Variants in PCSK2 observed in about 807,000 individuals in gnomAD.
PCSK2 encodes the protein proprotein convertase subtilisin/kexin type 2.
A neutral mutation model predicts 69.7 loss-of-function variants in PCSK2; 14 were observed. That is an observed-to-expected ratio of 0.20 (90% CI 0.13 to 0.31). The LOEUF (loss-of-function observed/expected upper bound fraction) is 0.31. PCSK2 is among the 10% of genes least tolerant of loss of function. The pLI is 1.00. For synonymous variants in PCSK2, 307 were observed against 320.7 expected, an observed-to-expected ratio of 0.96 and a Z score of 0.46; for missense variants, 544 against 842.5, an observed-to-expected ratio of 0.65 and a Z score of 4.39.
intron 5 of PCSK2, among the ~76,000 whole-genome samples, chr20:17,389,815 G>A (rs2031329095): frequency 6.6e-6 from 1 of 152,168 alleles, no homozygotes; most frequent in African/African-American, 2.4e-5. Flanking sequence ...TACACTGCTA[G>A]TGCAAATGTC....
chr20:17,261,021 A>G (rs1299209215), intron 2 of PCSK2, among the ~76,000 whole-genome samples: 1 of 151,972 alleles, frequency 6.6e-6, no homozygotes, highest in East Asian at 1.9e-4. Context: ...ACTTTCCCCC[A>G]ATCAAACATA....
At chr20:17,262,410 T>C (rs1480388421) in intron 2 of PCSK2, among the ~76,000 whole-genome samples, 1 of 151,798 alleles carries the variant, frequency 6.6e-6, no homozygotes, top group Non-Finnish European at 1.5e-5. Context: ...TTGTCAATAA[T>C]AAACTCATTC....
At chr20:17,402,781 G>A (rs745703919) in intron 5 of PCSK2, among the ~76,000 whole-genome samples, 13 of 151,604 alleles carry the variant, frequency 8.6e-5, no homozygotes, top group Admixed American at 2.0e-4. Context: ...AGTGAACCCC[G>A]TCTCTACTAA....
intron 2 of PCSK2, among the ~76,000 whole-genome samples, chr20:17,353,616 A>T (rs1342211241): frequency 6.6e-6 from 1 of 152,242 alleles, no homozygotes; most frequent in Admixed American, 6.5e-5. Flanking sequence ...CAAAATTATC[A>T]TTCAATCCAG....
chr20:17,317,772 G>A (rs942451490), intron 2 of PCSK2, among the ~76,000 whole-genome samples: 1 of 152,104 alleles, frequency 6.6e-6, no homozygotes, highest in Non-Finnish European at 1.5e-5. Context: ...AGAGACATGG[G>A]AAGAGTTTCT....
chr20:17,333,576 TC>T (rs145788752), intron 2 of PCSK2, among the ~76,000 whole-genome samples: 12,437 of 152,034 alleles, frequency 0.082, 583 homozygotes, highest in African/African-American at 0.12. Flanking sequence ...GCTGGAAATG[TC>T]CCCCTTCCTT....
chr20:17,454,693 C>T (rs904489675), intron 9 of PCSK2, among the ~76,000 whole-genome samples: 7 of 152,206 alleles, frequency 4.6e-5, no homozygotes, highest in South Asian at 2.1e-4. Flanking sequence ...TTTTCTTACA[C>T]CTCCAAACCA....
At chr20:17,250,930 T>C (rs1986952657) in intron 1 of PCSK2, among the ~76,000 whole-genome samples, 1 of 151,970 alleles carries the variant, frequency 6.6e-6, no homozygotes, top group Admixed American at 6.6e-5. Flanking sequence ...CAAAACCTGA[T>C]CTCTACTAAA....
intron 6 of PCSK2, among the ~76,000 whole-genome samples, chr20:17,415,243 T>G (rs2123313921): frequency 6.6e-6 from 1 of 152,336 alleles, no homozygotes; most frequent in East Asian, 1.9e-4. Flanking sequence ...GGAAGTCAAA[T>G]TGTCCCTGTT....
intron 2 of PCSK2, among the ~76,000 whole-genome samples, chr20:17,350,206 G>C (rs1418940538): frequency 1.3e-5 from 2 of 148,756 alleles, no homozygotes; most frequent in South Asian, 4.4e-4. Flanking sequence ...ACATTCTGAG[G>C]TACTGGAGGT....
At chr20:17,326,362 G>A (rs940017439) in intron 2 of PCSK2, among the ~76,000 whole-genome samples, 3 of 152,134 alleles carry the variant, frequency 2.0e-5, no homozygotes, top group Admixed American at 6.5e-5. Flanking sequence ...AATTGTCACA[G>A]CCAAGAAGAA....
intron 6 of PCSK2, 119 bp from the exon 7 acceptor site, chr20:17,429,316 G>T: frequency 2.7e-6 from 2 of 746,604 alleles, no homozygotes; most frequent in Non-Finnish European, 4.8e-6. Context: ...GTGACACAGG[G>T]TTTACTTGTA....
intron 6 of PCSK2, among the ~76,000 whole-genome samples, chr20:17,415,507 C>T (rs187191091): frequency 1.3e-5 from 2 of 152,198 alleles, no homozygotes; most frequent in Admixed American, 1.3e-4. Flanking sequence ...TCAAGGAGAA[C>T]AATAAACTGC....
chr20:17,268,178 A>C (rs1241911726), intron 2 of PCSK2, among the ~76,000 whole-genome samples: 1 of 151,950 alleles, frequency 6.6e-6, no homozygotes, highest in Non-Finnish European at 1.5e-5. Context: ...GCATTCATTC[A>C]GCAAATAGTT....
intron 7 of PCSK2, among the ~76,000 whole-genome samples, chr20:17,436,454 A>G (rs2032486383): frequency 6.6e-6 from 1 of 152,238 alleles, no homozygotes; most frequent in Admixed American, 6.5e-5. Context: ...TCCCATCATG[A>G]ATTCTAGTAA....
chr20:17,425,754 T>A (rs1341418583), intron 6 of PCSK2, among the ~76,000 whole-genome samples: 2 of 152,192 alleles, frequency 1.3e-5, no homozygotes, highest in South Asian at 4.1e-4. Context: ...GGATGCAGAC[T>A]CCTTTCATCT....
At chr20:17,238,829 T>G (rs1260660635) in intron 1 of PCSK2, among the ~76,000 whole-genome samples, 1 of 152,226 alleles carries the variant, frequency 6.6e-6, no homozygotes, top group Non-Finnish European at 1.5e-5. Context: ...CCATTGGGTT[T>G]ACACTTGGTA....
At chr20:17,400,460 G>A (rs1407043953) in intron 5 of PCSK2, among the ~76,000 whole-genome samples, 1 of 151,536 alleles carries the variant, frequency 6.6e-6, no homozygotes, top group Non-Finnish European at 1.5e-5. Flanking sequence ...TGACAATAAG[G>A]GTATTACCCA....
chr20:17,279,664 G>A (rs532889172), intron 2 of PCSK2, among the ~76,000 whole-genome samples: 237 of 152,068 alleles, frequency 1.6e-3, no homozygotes, highest in Non-Finnish European at 2.9e-3. Context: ...GTGCATGCCT[G>A]TAATCCCAGC....
Sources: allele counts gnomAD v4.1 joint callset (sites outside exome capture counted in the v4.1 genomes callset), GRCh38; gene constraint gnomAD v4.1.1; transcripts MANE v1.5; gene names NCBI Gene and HGNC (gene_info 2026-07-23, HGNC 2026-07-21).